The following HELZ variants were observed in gnomAD, a reference collection of about 807,000 sequenced individuals.
The protein encoded by HELZ is ATP-dependent RNA helicase with zinc finger domain.
In HELZ, 23 loss-of-function variants were observed where a neutral mutation model predicts 218.2. That is an observed-to-expected ratio of 0.11 (90% CI 0.08 to 0.15). The LOEUF (loss-of-function observed/expected upper bound fraction) is 0.15. HELZ is among the 10% of genes least tolerant of loss of function. HELZ has a pLI of 1.00. For missense variants in HELZ, 1,813 were observed against 2,353.7 expected, an observed-to-expected ratio of 0.77 and a Z score of 4.75; for synonymous variants, 814 against 829.4, an observed-to-expected ratio of 0.98 and a Z score of 0.32.
intron 24 of HELZ, among the ~76,000 whole-genome samples, chr17:67,127,351 G>A (rs2037832333): frequency 6.6e-6 from 1 of 152,074 alleles, no homozygotes; most frequent in Admixed American, 6.5e-5. Flanking sequence ...ATAAGCTTGA[G>A]AAATCTACAA....
intron 28 of HELZ, among the ~76,000 whole-genome samples, chr17:67,111,594 G>A (rs1411977490): frequency 1.3e-5 from 2 of 152,174 alleles, no homozygotes; most frequent in Admixed American, 6.5e-5. Flanking sequence ...TGGTTGTGAT[G>A]CAAATTGTGT....
chr17:67,174,535 G>A (rs149420744), intron 13 of HELZ, among the ~76,000 whole-genome samples: 4 of 152,190 alleles, frequency 2.6e-5, no homozygotes, highest in African/African-American at 4.8e-5. Flanking sequence ...ATGGTAGCTC[G>A]CGCCTGTAAT....
chr17:67,237,260 G>A (rs2041209102), intron 3 of HELZ, among the ~76,000 whole-genome samples: 1 of 152,140 alleles, frequency 6.6e-6, no homozygotes, highest in Admixed American at 6.6e-5. Context: ...ACTCCAGCCT[G>A]GGCGACAGAG....
chr17:67,216,140 T>C (rs189480452), intron 4 of HELZ, among the ~76,000 whole-genome samples: 74 of 152,254 alleles, frequency 4.9e-4, no homozygotes, highest in African/African-American at 1.7e-3. Context: ...TCCTAGTCCA[T>C]GGACCCCCAC....
rs764396548 is a variant in HELZ, at chr17:67,078,202, T to C, written c.*50A>G. 1.5e-6 allele frequency: 2 copies of C among 1,334,138 alleles called. No individual in the cohort carries two copies. Among genetic ancestry groups the C allele is most frequent in the Middle Eastern group, 1.9e-4 (1 of 5,260 alleles). 82.6% of individuals were successfully genotyped at this position (1,334,138 alleles called of 1,614,324 possible). ...TGAAGTCCAACTACCTTAATTCTAC[T>C]GATACAAACAGAAATTAAAACATTC... On this transcript the variant is annotated 3_prime_UTR_variant, in exon 33 of 33. Coordinates refer to ENST00000358691, the MANE Select transcript of HELZ (RefSeq NM_014877.4).
intron 13 of HELZ, among the ~76,000 whole-genome samples, chr17:67,169,866 G>A (rs2039258241): frequency 6.6e-6 from 1 of 152,202 alleles, no homozygotes; most frequent in African/African-American, 2.4e-5. Context: ...ACAATGGTGG[G>A]ACAAGCACAG....
At position 67,097,360 on chromosome 17, in the gene HELZ, A is replaced by G. The variant is rs2036780631; in HGVS notation, c.5241+9809T>C. ...GGTTACCATAAACCTTCAATTTGTA[A>G]AAACTATAATATCTGTGAAATGCAA... On this transcript the variant is annotated intron_variant, in intron 31 of 32. Transcript: ENST00000358691. 2.6e-5 allele frequency among the ~76,000 whole-genome samples: 4 copies of G among 152,204 alleles called. 1 individual carries two copies. Among genetic ancestry groups the G allele is most frequent in the African/African-American group, 9.7e-5 (4 of 41,446 alleles).
In HELZ at chr17:67,074,086, G is replaced by C. The variant is rs2035957977; in HGVS notation, c.*4166C>G. On this transcript the variant is annotated 3_prime_UTR_variant, in exon 33 of 33. Coordinates refer to ENST00000358691, the MANE Select transcript of HELZ (RefSeq NM_014877.4). ...TTGAATGTGGATCAGATGGCAAAGA[G>C]TGGAGACAAATCAGATCCATTAAGA... The C allele has an allele frequency of 6.6e-6, 1 of 152,144 alleles. No individual in the cohort carries two copies. The highest frequency in any genetic ancestry group is 1.5e-5 in the Non-Finnish European group (1 of 68,000). The allele number at this position is 152,144 out of a possible 1,614,324, so 9.4% of individuals were successfully genotyped here. A position where few individuals can be genotyped will look rare whatever the true frequency, so the allele number is the denominator to read the frequency against.
intron 3 of HELZ, among the ~76,000 whole-genome samples, chr17:67,232,333 T>C (rs1269864909): frequency 1.3e-5 from 2 of 152,092 alleles, no homozygotes; most frequent in Non-Finnish European, 2.9e-5. Flanking sequence ...TTTGTATTTT[T>C]AGTAGAGACG....
At chr17:67,084,725 T>C (rs533529541) in intron 32 of HELZ, among the ~76,000 whole-genome samples, 1 of 151,984 alleles carries the variant, frequency 6.6e-6, no homozygotes, top group Non-Finnish European at 1.5e-5. Context: ...AAAATTATAA[T>C]AAACAAAACC....
chr17:67,151,946 A>G (rs1250370567), intron 17 of HELZ, among the ~76,000 whole-genome samples: 1 of 152,210 alleles, frequency 6.6e-6, no homozygotes, highest in Non-Finnish European at 1.5e-5. Context: ...ACTATGCTCC[A>G]GCACACAGGC....
chr17:67,190,625 A>C (rs907333310), intron 9 of HELZ, among the ~76,000 whole-genome samples: 2 of 152,204 alleles, frequency 1.3e-5, no homozygotes, highest in Admixed American at 6.5e-5. Context: ...GGCCCTCCAA[A>C]AGAGGCACTG....
intron 32 of HELZ, among the ~76,000 whole-genome samples, chr17:67,080,057 G>A (rs547025601): frequency 0.015 from 1,335 of 87,572 alleles, 10 homozygotes; most frequent in Non-Finnish European, 0.019. Flanking sequence ...GTTTCTATGC[G>A]AAGTCAGATA....
At chr17:67,245,614 A>C, upstream of HELZ, 1 of 808,550 alleles carries the variant, frequency 1.2e-6, no homozygotes, top group South Asian at 5.6e-5. Flanking sequence ...CCGCGCTTCC[A>C]GGAAGCCCGC....
At chr17:67,089,959 G>A (rs2036530164) in intron 31 of HELZ, among the ~76,000 whole-genome samples, 1 of 151,978 alleles carries the variant, frequency 6.6e-6, no homozygotes, top group Admixed American at 6.6e-5. Flanking sequence ...GTGTTGAAGA[G>A]GAATGTTGAG....
At chr17:67,244,577 G>C in intron 1 of HELZ, 3 of 965,616 alleles carry the variant, frequency 3.1e-6, no homozygotes, top group Non-Finnish European at 3.7e-6. Context: ...TTTCCGAGGA[G>C]GGGGCGGGGA....
chr17:67,162,048 C>T (rs1181445275), intron 15 of HELZ, among the ~76,000 whole-genome samples: 3 of 152,164 alleles, frequency 2.0e-5, no homozygotes, highest in Non-Finnish European at 2.9e-5. Flanking sequence ...GGAAAATTCT[C>T]TCTGTGAGGC....
upstream of HELZ, chr17:67,245,422 T>G: frequency 1.1e-6 from 1 of 929,416 alleles, no homozygotes; most frequent in Non-Finnish European, 1.3e-6. Context: ...TTTTCTCCCT[T>G]TCTCCTGCCC....
chr17:67,178,938 C>A lies in HELZ; in HGVS notation c.1163-12G>T. 1.3e-6 allele frequency: 2 copies of A among 1,539,186 alleles called. No homozygotes were observed. The highest frequency in any genetic ancestry group is 1.4e-5 in the African/African-American group (1 of 72,026). Reference sequence around the variant, plus strand: ...CAGGTATTCGAGATCTAAATGGAAACAAAAAACACATTTATAAAGAAACAG... The same window carrying A: ...CAGGTATTCGAGATCTAAATGGAAAAAAAAAACACATTTATAAAGAAACAG... On this transcript the variant is annotated splice_polypyrimidine_tract_variant and intron_variant, in intron 12 of 32. Coordinates refer to ENST00000358691, the MANE Select transcript of HELZ (RefSeq NM_014877.4).
Sources: gnomAD v4.1 joint callset for allele counts (sites outside exome capture counted in the v4.1 genomes callset) on GRCh38, gnomAD v4.1.1 for gene constraint, MANE v1.5 for transcripts, NCBI Gene and HGNC (gene_info 2026-07-23, HGNC 2026-07-21) for gene names.